The following BICD1 variants were observed in gnomAD, a reference collection of about 807,000 sequenced individuals.
BICD1 encodes BICD cargo adaptor 1, also known as protein bicaudal D homolog 1.
A neutral mutation model predicts 92.5 loss-of-function variants in BICD1; 35 were observed. The ratio of observed to expected loss-of-function variants is 0.38; its 90% CI spans 0.29 to 0.50. The LOEUF (loss-of-function observed/expected upper bound fraction) is 0.50. BICD1 is among the 20% of genes least tolerant of loss of function. BICD1 has a pLI of 0.93. For missense variants in BICD1, 950 were observed against 1,189.8 expected, an observed-to-expected ratio of 0.80 and a Z score of 2.97; for synonymous variants, 429 against 465.1, an observed-to-expected ratio of 0.92 and a Z score of 1.00.
At chr12:32,332,913 GCAGAAAT>G in intron 5 of BICD1, 2 of 985,410 alleles carry the variant, frequency 2.0e-6, no homozygotes, top group Non-Finnish European at 2.4e-6. Context: ...AGTGGTGAAA[GCAGAAAT>G]CAGCAAATCC....
intron 2 of BICD1, among the ~76,000 whole-genome samples, chr12:32,263,555 A>G (rs1001171163): frequency 6.6e-6 from 1 of 152,104 alleles, no homozygotes; most frequent in Non-Finnish European, 1.5e-5. Context: ...AAAAGAAAAA[A>G]AAAAAAAAAG....
intron 1 of BICD1, chr12:32,109,002 T>G: frequency 4.4e-6 from 1 of 226,162 alleles, no homozygotes; most frequent in Non-Finnish European, 8.7e-6. Context: ...TTTGATATTG[T>G]CTATACCTAT....
At position 32,284,656 on chromosome 12, in the gene BICD1, C is replaced by A. The variant is rs142257251; in HGVS notation, c.427-9338C>A. Among the ~76,000 whole-genome samples, 199 of 152,286 alleles carry A rather than the reference C, an allele frequency of 1.3e-3. 1 individual carries two copies. Among genetic ancestry groups the A allele is most frequent in the Middle Eastern group, 3.4e-3 (1 of 294 alleles). On this transcript the variant is annotated intron_variant, in intron 2 of 9. Coordinates refer to ENST00000652176, the MANE Select transcript of BICD1 (RefSeq NM_001714.4). ...TCACTTGGCAAAACGTAGGTCTGAT[C>A]GTGTGGCTGTTTTGCTTAAAAGTCT...
In BICD1 at chr12:32,120,755, A is replaced by AT. The variant is rs35055883; in HGVS notation, c.213+13221dup. Among the ~76,000 whole-genome samples, 768 of 148,384 alleles carry AT rather than the reference A, an allele frequency of 5.2e-3. 5 individuals are homozygous for AT. Among genetic ancestry groups the AT allele is most frequent in the African/African-American group, 0.018 (714 of 40,452 alleles). ...GATTATCTCTTTGGCACGCATGACC[A>AT]TTTTTTTTTTGTCTTTTAAATCACA... On this transcript the variant is annotated intron_variant, in intron 1 of 9. Coordinates refer to ENST00000652176, the MANE Select transcript of BICD1 (RefSeq NM_001714.4).
chr12:32,339,434 T>C, intron 8 of BICD1: 1 of 986,112 alleles, frequency 1.0e-6, no homozygotes, highest in Non-Finnish European at 1.2e-6. Flanking sequence ...CCTCAATCAT[T>C]ATATTGAGAA....
At chr12:32,153,534 A>T (rs1017284053) in intron 1 of BICD1, among the ~76,000 whole-genome samples, 3 of 152,174 alleles carry the variant, frequency 2.0e-5, no homozygotes, top group African/African-American at 4.8e-5. Context: ...AGGCGGGTGG[A>T]TCACTGGAGC....
chr12:32,190,439 G>A (rs138687032), intron 1 of BICD1, among the ~76,000 whole-genome samples: 2 of 152,308 alleles, frequency 1.3e-5, no homozygotes, highest in African/African-American at 4.8e-5. Flanking sequence ...AAAGAGAGCA[G>A]GAGTGGCTTT....
intron 1 of BICD1, among the ~76,000 whole-genome samples, chr12:32,208,683 T>C (rs1945129829): frequency 1.3e-5 from 2 of 152,240 alleles, no homozygotes; most frequent in Non-Finnish European, 1.5e-5. Context: ...TAATTGAATC[T>C]ACTCTCTAAG....
intron 1 of BICD1, among the ~76,000 whole-genome samples, chr12:32,125,631 A>T (rs924247790): frequency 5.3e-5 from 8 of 152,200 alleles, no homozygotes; most frequent in African/African-American, 1.9e-4. Context: ...TCCTGCTAGC[A>T]ACAATTAAAA....
At chr12:32,139,821 A>G (rs1307634544) in intron 1 of BICD1, among the ~76,000 whole-genome samples, 1 of 152,090 alleles carries the variant, frequency 6.6e-6, no homozygotes, top group African/African-American at 2.4e-5. Flanking sequence ...CGGCCTCCCA[A>G]AGCGCTGAGA....
chr12:32,334,815 C>A, intron 6 of BICD1, 148 bp downstream of exon 6: 1 of 863,304 alleles, frequency 1.2e-6, no homozygotes, highest in African/African-American at 1.7e-5. Context: ...TCCACTCTGA[C>A]GTATCTAAAA....
chr12:32,380,215 G>A lies in BICD1; in HGVS notation c.*2588G>A, dbSNP rs1381789500. The A allele has an allele frequency of 6.6e-6, 1 of 152,100 alleles. No homozygotes were observed. The highest frequency in any genetic ancestry group is 6.5e-5 in the Admixed American group (1 of 15,268). The allele number at this position is 152,100 out of a possible 1,614,324, so 9.4% of individuals were successfully genotyped here. ...TTACACTGTGGCATCATTTAGTATA[G>A]TTTACACTGAGCCATATTTATTTAT... On this transcript the variant is annotated 3_prime_UTR_variant, in exon 10 of 10. Coordinates refer to ENST00000652176, the MANE Select transcript of BICD1 (RefSeq NM_001714.4).
Position 32,190,029 on chromosome 12 carries a change from G to A in BICD1, c.214-26218G>A, listed in dbSNP as rs78000420. ...AGAATTTTTGTATGCAATTGAAGTTGAGTTGTTACCAGTTTAAACAGAATG... is the reference window on the plus strand; with the variant it reads ...AGAATTTTTGTATGCAATTGAAGTTAAGTTGTTACCAGTTTAAACAGAATG... On this transcript the variant is annotated intron_variant, in intron 1 of 9. Transcript: ENST00000652176. Among the ~76,000 whole-genome samples the A allele has an allele frequency of 4.3e-3, 659 of 152,184 alleles. 3 individuals carry two copies. The highest frequency in any genetic ancestry group is 0.015 in the African/African-American group (627 of 41,520).
chr12:32,271,169 T>TC (rs1947129158), intron 2 of BICD1, among the ~76,000 whole-genome samples: 1 of 152,154 alleles, frequency 6.6e-6, no homozygotes, highest in Non-Finnish European at 1.5e-5. Flanking sequence ...CTACAAACAC[T>TC]CCATTTTCTC....
intron 2 of BICD1, among the ~76,000 whole-genome samples, chr12:32,270,790 G>A (rs1177461483): frequency 6.6e-6 from 1 of 152,174 alleles, no homozygotes; most frequent in Non-Finnish European, 1.5e-5. Flanking sequence ...TATTGCCTAA[G>A]ATGCTAATTG....
At chr12:32,294,948 G>T (rs1043899737) in intron 3 of BICD1, among the ~76,000 whole-genome samples, 2 of 151,794 alleles carry the variant, frequency 1.3e-5, no homozygotes, top group African/African-American at 2.4e-5. Context: ...CAGGCATGTT[G>T]GTGGGTACCT....
chr12:32,335,873 C>CA (rs1938098007), intron 6 of BICD1, among the ~76,000 whole-genome samples: 1 of 152,100 alleles, frequency 6.6e-6, no homozygotes, highest in African/African-American at 2.4e-5. Context: ...TATGAGCCAC[C>CA]ATGCCCGACC....
At chr12:32,173,543 A>T (rs1298441580) in intron 1 of BICD1, among the ~76,000 whole-genome samples, 1 of 152,206 alleles carries the variant, frequency 6.6e-6, no homozygotes, top group Non-Finnish European at 1.5e-5. Context: ...CATTCTGGTA[A>T]ATGTTCTCTA....
intron 9 of BICD1, among the ~76,000 whole-genome samples, chr12:32,373,402 A>G (rs1939809481): frequency 6.6e-6 from 1 of 152,246 alleles, no homozygotes; most frequent in Non-Finnish European, 1.5e-5. Flanking sequence ...AATTAAAAAT[A>G]TTAATACTAT....
Sources: allele counts gnomAD v4.1 joint callset (sites outside exome capture counted in the v4.1 genomes callset), GRCh38; gene constraint gnomAD v4.1.1; transcripts MANE v1.5; gene names NCBI Gene and HGNC (gene_info 2026-07-23, HGNC 2026-07-21).